Variants in ADRA1A observed in about 807,000 individuals in gnomAD.
ADRA1A encodes alpha-1A adrenergic receptor.
ADRA1A carries 31 observed loss-of-function variants against 29.6 expected under a neutral mutation model. The observed-to-expected ratio is 1.05, with a 90% CI of 0.79 to 1.41. The LOEUF is 1.41. Among genes scored for constraint, ADRA1A ranks in the 40% most tolerant of loss-of-function variants. ADRA1A has a pLI of 0.00. For synonymous variants in ADRA1A, 311 were observed against 254.3 expected (o/e 1.22, Z -2.12); for missense variants, 619 against 601.1 (o/e 1.03, Z -0.31).
At chr8:26,788,006 G>A (rs182135228) in intron 2 of ADRA1A, among the ~76,000 whole-genome samples, 15 of 151,966 alleles carry the variant, frequency 9.9e-5, no homozygotes, top group African/African-American at 2.9e-4. Flanking sequence ...GTGTGGTTCT[G>A]GTTTACACAA....
intron 2 of ADRA1A, among the ~76,000 whole-genome samples, chr8:26,816,779 G>A (rs1420931040): frequency 2.0e-5 from 3 of 152,246 alleles, no homozygotes; most frequent in South Asian, 2.1e-4. Flanking sequence ...GACCTAAAGC[G>A]GAATATGGAG....
At chr8:26,772,386 T>G (rs994988177) in intron 2 of ADRA1A, among the ~76,000 whole-genome samples, 1 of 152,190 alleles carries the variant, frequency 6.6e-6, no homozygotes, top group Non-Finnish European at 1.5e-5. Flanking sequence ...AATAACATCT[T>G]GACTTTCCTT....
At chr8:26,781,299 A>G (rs1370536548) in intron 2 of ADRA1A, among the ~76,000 whole-genome samples, 11 of 152,200 alleles carry the variant, frequency 7.2e-5, no homozygotes, top group Admixed American at 7.2e-4. Flanking sequence ...TCCCAACAAT[A>G]TTGCTGAATG....
At chr8:26,755,111 A>G (rs1272048087), downstream of ADRA1A, among the ~76,000 whole-genome samples, 1 of 152,234 alleles carries the variant, frequency 6.6e-6, no homozygotes, top group Admixed American at 6.5e-5. Context: ...TAAGAAGTCC[A>G]AAGCATTTGG....
chr8:26,849,082 C>T (rs1015177189), intron 2 of ADRA1A, among the ~76,000 whole-genome samples: 1 of 152,202 alleles, frequency 6.6e-6, no homozygotes, highest in African/African-American at 2.4e-5. Context: ...TGAAATTTTA[C>T]CTCCCTGCTA....
In ADRA1A at chr8:26,864,586, C is replaced by T. The variant is rs142396280; in HGVS notation, c.384G>A (p.Val128=). 4.5e-5 allele frequency: 72 copies of T among 1,614,018 alleles called. No individual in the cohort carries two copies. The Middle Eastern group carries it at 1.2e-3, about 26-fold the overall frequency. The part of the protein sequence containing the change: ...CIISIDRYIG[V]SYPLRYPTIV... ...TGGTTGGGTAGCGCAGCGGGTAGCT[C>T]ACGCCGATGTAGCGGTCGATGGAGA... The change falls in exon 2 of 3, where the codon GTG becomes GTA. Residue 128 remains valine (V), a synonymous_variant. Coordinates refer to ENST00000380573, the MANE Select transcript of ADRA1A (RefSeq NM_000680.4). The surrounding 1 kb of genome is among the most constrained non-coding windows in gnomAD (Gnocchi z 8.1).
rs577036736 is a variant in ADRA1A, at chr8:26,864,769, G to A, written c.201C>T (p.Asn67=). 4 of 1,614,180 alleles carry A rather than the reference G, an allele frequency of 2.5e-6. 1 individual carries two copies. The South Asian group carries it at 4.4e-5, about 18-fold the overall frequency. The change falls in exon 2 of 3, where the codon AAC becomes AAT. Residue 67 remains asparagine (N), a synonymous_variant. Transcript: ENST00000380573. The surrounding 1 kb of genome is among the most constrained non-coding windows in gnomAD (Gnocchi z 8.1). ...LHSVTHYYIV[N]LAVADLLLTS... ...TGAGCAGGAGGTCGGCCACCGCCAG[G>A]TTGACGATGTAGTAGTGCGTGACTG...
chr8:26,778,537 A>G (rs1390690520), intron 2 of ADRA1A, among the ~76,000 whole-genome samples: 1 of 152,124 alleles, frequency 6.6e-6, no homozygotes, highest in African/African-American at 2.4e-5. Flanking sequence ...TAATATAATA[A>G]CCAAACCAAA....
intron 2 of ADRA1A, 41 bp from the exon 3 acceptor site, chr8:26,770,707 C>T: frequency 6.5e-7 from 1 of 1,543,088 alleles, no homozygotes; most frequent in Non-Finnish European, 8.7e-7. Context: ...TATTTGAAAG[C>T]CAGCAAGCCA....
At position 26,848,167 on chromosome 8, in the gene ADRA1A, C is replaced by T. The variant is rs538944758; in HGVS notation, c.883+15920G>A. On this transcript the variant is annotated intron_variant, in intron 2 of 2. Coordinates refer to ENST00000380573, the MANE Select transcript of ADRA1A (RefSeq NM_000680.4). The surrounding 1 kb of genome is among the most constrained non-coding windows in gnomAD (Gnocchi z 4.3). ...CCTGCAAGATGTCACTAATCCCTTG[C>T]GTGCCTCAGTTTCCTTATCTCTACA... 2.1e-4 allele frequency among the ~76,000 whole-genome samples: 32 copies of T among 152,314 alleles called. No homozygotes were observed. Among genetic ancestry groups the T allele is most frequent in the African/African-American group, 6.3e-4 (26 of 41,558 alleles).
chr8:26,864,325 G>A lies in ADRA1A; in HGVS notation c.645C>T (p.Ser215=), dbSNP rs1210229240. ...TCTTGAGGCCAGACTTGAGGCCCCG[G>A]CTCTCCCTCTTGGCCACCACGTAGA... ...CRVYVVAKRE[S]RGLKSGLKTD... is the part of the protein sequence containing the mutation. The change falls in exon 2 of 3, where the codon AGC becomes AGT. Residue 215 remains serine (S), a synonymous_variant. Coordinates refer to ENST00000380573, the MANE Select transcript of ADRA1A (RefSeq NM_000680.4). This position sits in a 1 kb window ranked among gnomAD's most constrained non-coding sequence, Gnocchi z 8.1. 1.2e-6 allele frequency: 2 copies of A among 1,613,918 alleles called. No individual in the cohort carries two copies. Among genetic ancestry groups the A allele is most frequent in the Non-Finnish European group, 1.7e-6 (2 of 1,180,010 alleles).
chr8:26,824,824 A>T (rs1047661296), intron 2 of ADRA1A, among the ~76,000 whole-genome samples: 1 of 152,244 alleles, frequency 6.6e-6, no homozygotes, highest in African/African-American at 2.4e-5. Flanking sequence ...AGTCACTTAA[A>T]CACTAATTGC....
At chr8:26,839,657 A>T (rs115771079) in intron 2 of ADRA1A, among the ~76,000 whole-genome samples, 2 of 152,166 alleles carry the variant, frequency 1.3e-5, no homozygotes, top group Non-Finnish European at 2.9e-5. Flanking sequence ...TTGAGATCTT[A>T]GTCCACTCTG....
At chr8:26,832,900 G>T (rs1034401170) in intron 2 of ADRA1A, among the ~76,000 whole-genome samples, 1 of 152,158 alleles carries the variant, frequency 6.6e-6, no homozygotes, top group Non-Finnish European at 1.5e-5. Flanking sequence ...TTGGCTGCCT[G>T]CAGGAAGAAG....
At chr8:26,780,279 C>T (rs150153738) in intron 2 of ADRA1A, among the ~76,000 whole-genome samples, 66 of 152,228 alleles carry the variant, frequency 4.3e-4, no homozygotes, top group East Asian at 4.1e-3. Context: ...CTATGAGTGT[C>T]TCCAACAAAT....
At position 26,864,807 on chromosome 8, in the gene ADRA1A, G is replaced by T. The variant is rs766930994; in HGVS notation, c.163C>A (p.Arg55=). The T allele has an allele frequency of 5.6e-6, 9 of 1,614,148 alleles. No individual in the cohort carries two copies. In the South Asian group the frequency reaches 8.8e-5, roughly 16 times the overall value. ...ILVILSVACH[R]HLHSVTHYYI... Reference sequence around the variant, plus strand: ...TAGTGCGTGACTGAGTGCAGGTGTCGGTGACAGGCTACGGAGAGGATCACT... The same window carrying T: ...TAGTGCGTGACTGAGTGCAGGTGTCTGTGACAGGCTACGGAGAGGATCACT... Residue 55 remains arginine, a synonymous_variant, in exon 2 of 3, where the codon CGA becomes AGA. Transcript: ENST00000380573. This position sits in a 1 kb window ranked among gnomAD's most constrained non-coding sequence, Gnocchi z 8.1.
intron 2 of ADRA1A, among the ~76,000 whole-genome samples, chr8:26,791,400 A>G (rs1807821407): frequency 6.6e-6 from 1 of 152,102 alleles, no homozygotes; most frequent in Non-Finnish European, 1.5e-5. Context: ...TGCTCTCTGG[A>G]GAGGCTATAC....
intron 2 of ADRA1A, among the ~76,000 whole-genome samples, chr8:26,839,552 T>C (rs979319080): frequency 2.0e-5 from 3 of 152,176 alleles, no homozygotes. Flanking sequence ...TTGGGCTTAA[T>C]TACATGCTAG....
downstream of ADRA1A, chr8:26,766,124 G>A (rs59765666): frequency 3.7e-5 from 60 of 1,612,576 alleles, 1 homozygote; most frequent in South Asian, 2.1e-4. Flanking sequence ...GCAATTCTTG[G>A]TGAAATATCT....
Sources: gnomAD v4.1 joint callset for allele counts (sites outside exome capture counted in the v4.1 genomes callset) on GRCh38, gnomAD v4.1.1 for gene constraint, Gnocchi (gnomAD v3.1) non-coding constraint, MANE v1.5 for transcripts, NCBI Gene and HGNC (gene_info 2026-07-23, HGNC 2026-07-21) for gene names.